The following FRMD4A variants were observed in gnomAD, a reference collection of about 807,000 sequenced individuals.
FRMD4A encodes the protein FERM domain containing 4A.
A neutral mutation model predicts 129.1 loss-of-function variants in FRMD4A; 29 were observed. The observed-to-expected ratio is 0.22, with a 90% CI of 0.17 to 0.31. FRMD4A has a LOEUF of 0.31. Ranked by LOEUF, FRMD4A falls within the 10% of genes least tolerant of loss-of-function variation. The pLI is 1.00. For synonymous variants in FRMD4A, 634 were observed against 571.6 expected (o/e 1.11, Z -1.56); for missense variants, 1,272 against 1,375.8 (o/e 0.92, Z 1.19).
intron 2 of FRMD4A, among the ~76,000 whole-genome samples, chr10:14,240,353 T>C (rs958085974): frequency 6.6e-6 from 1 of 152,240 alleles, no homozygotes; most frequent in African/African-American, 2.4e-5. Flanking sequence ...GTGACATTTC[T>C]ATCATGTGGC....
rs755103560 is a variant in FRMD4A, at chr10:13,707,037, C to A, written c.836G>T (p.Arg279Met). Residue 279 changes from arginine (R) to methionine (M), a missense_variant and splice_region_variant, in exon 13 of 25, where the codon AGG becomes ATG. Physicochemically the swap from Arg to Met is moderately conservative, Grantham distance 91. Around this residue, in one of 2 missense-constraint regions of FRMD4A, gnomAD observed 300 missense variants for 483.6 expected, o/e 0.62. Coordinates refer to ENST00000357447, the MANE Select transcript of FRMD4A (RefSeq NM_018027.5). The part of the protein sequence containing the change: ...KFSVEVHDPR[R>M]ASVTRRTFGH... ...CAAGAAAAGGACTTTTCAAGCTTAC[C>A]TGCGTGGGTCATGAACTTCCACGGA... 6.5e-7 allele frequency: 1 copy of A among 1,535,184 alleles called. No individual in the cohort carries two copies.
intron 2 of FRMD4A, among the ~76,000 whole-genome samples, chr10:14,170,904 C>T (rs1160599808): frequency 6.6e-6 from 1 of 152,074 alleles, no homozygotes; most frequent in Non-Finnish European, 1.5e-5. Flanking sequence ...GATTACACTC[C>T]TTACAGTCAT....
At chr10:14,114,775 C>T (rs939008325) in intron 2 of FRMD4A, among the ~76,000 whole-genome samples, 2 of 152,156 alleles carry the variant, frequency 1.3e-5, no homozygotes, top group Non-Finnish European at 2.9e-5. Context: ...AGGCTTAAGC[C>T]CCTTTCAGAG....
At chr10:14,316,070 T>G (rs141912872) in intron 2 of FRMD4A, among the ~76,000 whole-genome samples, 97 of 152,372 alleles carry the variant, frequency 6.4e-4, no homozygotes, top group African/African-American at 2.2e-3. Flanking sequence ...TTCCCTTGTA[T>G]GAGACCATGG....
At chr10:14,284,409 G>A (rs1012966646) in intron 2 of FRMD4A, among the ~76,000 whole-genome samples, 70 of 152,278 alleles carry the variant, frequency 4.6e-4, no homozygotes, top group African/African-American at 1.6e-3. Context: ...AGCACTTTGG[G>A]AGGCCGAGGC....
intron 5 of FRMD4A, among the ~76,000 whole-genome samples, chr10:13,789,558 C>CCACACACA (rs3220780): frequency 0.053 from 7,647 of 144,656 alleles, 274 homozygotes; most frequent in Middle Eastern, 0.083. Context: ...TATGAAAAGA[C>CCACACACA]CACACACACA....
intron 14 of FRMD4A, among the ~76,000 whole-genome samples, chr10:13,698,951 G>A (rs149077274): frequency 6.6e-6 from 1 of 151,960 alleles, no homozygotes; most frequent in African/African-American, 2.4e-5. Context: ...AGTCCCCAAG[G>A]GTTACTTTTA....
At chr10:13,745,560 G>C (rs2091248462) in intron 9 of FRMD4A, among the ~76,000 whole-genome samples, 1 of 152,230 alleles carries the variant, frequency 6.6e-6, no homozygotes, top group South Asian at 2.1e-4. Context: ...GAGAGAGTGT[G>C]TGTGAAGGGC....
In FRMD4A at chr10:13,740,519, T is replaced by C; in HGVS notation, c.607A>G (p.Ile203Val). Residue 203 changes from isoleucine (I) to valine (V), a missense_variant, in exon 10 of 25, where the codon ATC (isoleucine) becomes GTC (valine). Physicochemically the swap from Ile to Val is conservative, Grantham distance 29. This residue lies in a region of FRMD4A where 300 missense variants were observed against 483.6 expected (regional missense o/e 0.62). Coordinates refer to ENST00000357447, the MANE Select transcript of FRMD4A (RefSeq NM_018027.5). ...TGGGAAGGGGCCACTTACTTTACGA[T>C]TGCTTGACCTCTTGTCTGACCGTTC... is the stretch of plus-strand genomic sequence containing the variant. ...KLNGQTRGQA[I>V]VNYMSIVESL... 6.4e-7 allele frequency: 1 copy of C among 1,574,544 alleles called. No homozygotes were observed. The highest frequency in any genetic ancestry group is 1.4e-5 in the African/African-American group (1 of 74,004).
chr10:13,984,417 A>G (rs1442292200), intron 2 of FRMD4A, among the ~76,000 whole-genome samples: 2 of 152,154 alleles, frequency 1.3e-5, no homozygotes, highest in East Asian at 3.9e-4. Flanking sequence ...TACAATTTTA[A>G]CCATTTTTAA....
chr10:14,040,909 G>A (rs1833754318), intron 2 of FRMD4A, among the ~76,000 whole-genome samples: 1 of 152,124 alleles, frequency 6.6e-6, no homozygotes, highest in African/African-American at 2.4e-5. Flanking sequence ...TGAGAAGAAG[G>A]AAGGCAAAAC....
At chr10:14,011,258 G>C (rs1384355350) in intron 2 of FRMD4A, among the ~76,000 whole-genome samples, 4 of 152,212 alleles carry the variant, frequency 2.6e-5, no homozygotes, top group African/African-American at 7.2e-5. Context: ...GAAATTGTTA[G>C]ATTGAGCAAT....
rs1207538682 is a variant in FRMD4A at position 14,107,093 on chromosome 10, G to A, written c.45+222965C>T. Among the ~76,000 whole-genome samples, 5 of 152,090 alleles carry A rather than the reference G, an allele frequency of 3.3e-5. No homozygotes were observed. The South Asian group carries it at 6.2e-4, about 19-fold the overall frequency. ...AGGCCATTATCTTGAGCAAATTAAC[G>A]CAGGAACAGAAAACCAAATATTGCA... On this transcript the variant is annotated intron_variant, in intron 2 of 24. Transcript: ENST00000357447.
intron 4 of FRMD4A, among the ~76,000 whole-genome samples, chr10:13,804,714 C>CTTTTTTTTT (rs35111872): frequency 3.1e-5 from 4 of 127,736 alleles, no homozygotes; most frequent in East Asian, 2.2e-4. Context: ...CCAGCTAATT[C>CTTTTTTTTT]TTTTTTTTTT....
At chr10:13,830,165 A>T (rs544843536) in intron 3 of FRMD4A, among the ~76,000 whole-genome samples, 1 of 152,128 alleles carries the variant, frequency 6.6e-6, no homozygotes, top group Non-Finnish European at 1.5e-5. Flanking sequence ...TAAGGCCATG[A>T]CCTCACTGCC....
intron 2 of FRMD4A, among the ~76,000 whole-genome samples, chr10:14,072,189 G>A (rs1232945937): frequency 3.3e-5 from 5 of 152,150 alleles, no homozygotes; most frequent in Non-Finnish European, 7.4e-5. Context: ...GCTGAACAAC[G>A]AGAGTTTTAT....
intron 2 of FRMD4A, among the ~76,000 whole-genome samples, chr10:14,214,070 C>T (rs1468054880): frequency 2.6e-5 from 4 of 152,256 alleles, no homozygotes; most frequent in Non-Finnish European, 5.9e-5. Context: ...TGTGCGTTTG[C>T]TCTTCCTTCG....
intron 2 of FRMD4A, among the ~76,000 whole-genome samples, chr10:14,144,494 A>G (rs944988564): frequency 3.3e-5 from 5 of 152,212 alleles, no homozygotes; most frequent in African/African-American, 1.2e-4. Flanking sequence ...TGCAGGTTTC[A>G]TTATACAAAC....
intron 2 of FRMD4A, among the ~76,000 whole-genome samples, chr10:13,941,167 G>A (rs1385899705): frequency 1.3e-5 from 2 of 152,156 alleles, no homozygotes; most frequent in African/African-American, 4.8e-5. Flanking sequence ...TGTTGTGGGA[G>A]GGACCTAGTG....
Sources: allele counts gnomAD v4.1 joint callset (sites outside exome capture counted in the v4.1 genomes callset), GRCh38; gene constraint gnomAD v4.1.1; regional missense constraint gnomAD v4.1.1; transcripts MANE v1.5; gene names NCBI Gene and HGNC (gene_info 2026-07-23, HGNC 2026-07-21).